SCN3B: variants seen among roughly 807,000 people sequenced by gnomAD.
The protein encoded by SCN3B is sodium channel regulatory subunit beta-3.
Under a neutral mutation model 25.4 loss-of-function variants are expected in SCN3B, and 11 were observed. The observed-to-expected ratio is 0.43, with a 90% confidence interval of 0.27 to 0.72. The LOEUF (loss-of-function observed/expected upper bound fraction) is 0.72, where lower values mean the gene tolerates loss of function less well. Ranked by LOEUF, SCN3B falls within the 30% of genes least tolerant of loss-of-function variation. The probability of loss-of-function intolerance (pLI) is 0.18; values close to 1 mark genes in which losing one functional copy is unlikely to be tolerated. For synonymous variants in SCN3B, 109 were observed against 110.7 expected, an observed-to-expected ratio of 0.99 and a Z score of 0.09; for missense variants, 218 against 278.3, an observed-to-expected ratio of 0.78 and a Z score of 1.54.
chr11:123,652,540 C>T (rs952643340), intron 2 of SCN3B, among the ~76,000 whole-genome samples: 2 of 152,170 alleles, frequency 1.3e-5, no homozygotes, highest in African/African-American at 4.8e-5. Flanking sequence ...TGTCTGCCAC[C>T]GTATAGGCAG....
At chr11:123,638,605 A>G (rs991954568) in intron 4 of SCN3B, 2 of 457,704 alleles carry the variant, frequency 4.4e-6, no homozygotes. Context: ...CTGGCTGTCC[A>G]TTTTGCTATT....
intron 4 of SCN3B, 115 bp from the exon 5 acceptor site, chr11:123,638,439 G>T: frequency 7.2e-7 from 1 of 1,389,984 alleles, no homozygotes; most frequent in Non-Finnish European, 1.0e-6. Flanking sequence ...AACTCAAGAA[G>T]ATGTCAAAGG....
At chr11:123,634,693 C>T (rs1955707631) in intron 5 of SCN3B, among the ~76,000 whole-genome samples, 4 of 152,186 alleles carry the variant, frequency 2.6e-5, no homozygotes, top group Admixed American at 2.6e-4. Context: ...GATTGCACCA[C>T]TGCACTCCAG....
chr11:123,642,301 T>C lies in SCN3B; in HGVS notation c.445+145A>G. The C allele has an allele frequency of 2.6e-6, 2 of 777,430 alleles. 1 individual carries two copies. Among genetic ancestry groups the C allele is most frequent in the South Asian group, 2.9e-5 (2 of 68,752 alleles). 48.2% of individuals were successfully genotyped at this position (777,430 alleles called of 1,614,324 possible). A position where few individuals can be genotyped will look rare whatever the true frequency, so the allele number is the denominator to read the frequency against. ...AAGCTGGCCACCAGAAGAAGATGGG[T>C]CAATGGTGACATTTTTAGATGTCAC... On this transcript the variant is annotated intron_variant, in intron 4 of 6. Transcript: ENST00000299333. This position sits in a 1 kb window ranked among gnomAD's most constrained non-coding sequence, Gnocchi z 4.3.
At chr11:123,653,447 C>G (rs1955955101) in intron 2 of SCN3B, among the ~76,000 whole-genome samples, 1 of 151,464 alleles carries the variant, frequency 6.6e-6, no homozygotes, top group African/African-American at 2.4e-5. Context: ...GTGAACGTGA[C>G]TGCATTTCCT....
chr11:123,634,276 G>T, intron 5 of SCN3B, 70 bp from the exon 6 acceptor site: 1 of 1,257,002 alleles, frequency 8.0e-7, no homozygotes, highest in South Asian at 1.2e-5. Context: ...TGGGGAAGGA[G>T]CAGGGCACAG....
At chr11:123,644,800 AATATATAT>A (rs56135097) in intron 3 of SCN3B, among the ~76,000 whole-genome samples, 563 of 45,546 alleles carry the variant, frequency 0.012, 7 homozygotes, top group Non-Finnish European at 0.019. Context: ...AGAGAGAGAG[AATATATAT>A]ATATATATAT....
At chr11:123,652,999 G>A (rs927717530) in intron 2 of SCN3B, among the ~76,000 whole-genome samples, 6 of 152,164 alleles carry the variant, frequency 3.9e-5, no homozygotes, top group African/African-American at 1.2e-4. Flanking sequence ...TGTTCCAAGT[G>A]TAAGATTCCC....
intron 2 of SCN3B, among the ~76,000 whole-genome samples, chr11:123,648,247 G>A (rs887502258): frequency 3.3e-5 from 5 of 152,232 alleles, no homozygotes; most frequent in African/African-American, 9.6e-5. Context: ...GAGGCAGGGT[G>A]AAGATAGAAT....
Position 123,654,301 on chromosome 11 carries a change from A to C in SCN3B, c.-101T>G. ...CGCGGCTCCTGCTTCGTCCGCCCTA[A>C]CTGCTTCTCCAGCTGGGCGTGACCC... On this transcript the variant is annotated 5_prime_UTR_variant, in exon 1 of 7. Transcript: ENST00000299333. 1 of 170,134 alleles carries C rather than the reference A, an allele frequency of 5.9e-6. No homozygotes were observed. The highest frequency in any genetic ancestry group is 1.3e-5 in the Non-Finnish European group (1 of 77,808). The allele number at this position is 170,134 out of a possible 1,614,324, so 10.5% of individuals were successfully genotyped here.
chr11:123,652,795 C>T (rs1955942407), intron 2 of SCN3B, among the ~76,000 whole-genome samples: 1 of 152,104 alleles, frequency 6.6e-6, no homozygotes, highest in Non-Finnish European at 1.5e-5. Context: ...TACTACTACA[C>T]TCACCCATGC....
chr11:123,647,073 A>AG (rs1955861832), intron 2 of SCN3B, among the ~76,000 whole-genome samples: 1 of 152,192 alleles, frequency 6.6e-6, no homozygotes, highest in Non-Finnish European at 1.5e-5. Context: ...GTTATAAGAA[A>AG]AAAATAAGTT....
rs1177533878 is a variant in SCN3B, at chr11:123,633,011, G to A, written c.*788C>T. On this transcript the variant is annotated 3_prime_UTR_variant, in exon 7 of 7. Coordinates refer to ENST00000299333, the MANE Select transcript of SCN3B (RefSeq NM_001040151.2). ...TCAGGAATTTCAGTCCTAATGCCCA[G>A]GTGGTGTGCCCACAGGGAGGGCACA... is the stretch of plus-strand genomic sequence containing the variant. The A allele has an allele frequency of 6.6e-6, 1 of 152,222 alleles. No homozygotes were observed. The highest frequency in any genetic ancestry group is 1.9e-4 in the East Asian group (1 of 5,188). 9.4% of individuals were successfully genotyped at this position (152,222 alleles called of 1,614,324 possible).
chr11:123,649,999 C>A (rs1955905706), intron 2 of SCN3B, among the ~76,000 whole-genome samples: 1 of 152,164 alleles, frequency 6.6e-6, no homozygotes, highest in Non-Finnish European at 1.5e-5. Context: ...CCACAGCACC[C>A]AGTCCACCAC....
chr11:123,649,602 CCTTT>C (rs1223754844), intron 2 of SCN3B, among the ~76,000 whole-genome samples: 2 of 151,928 alleles, frequency 1.3e-5, no homozygotes, highest in Non-Finnish European at 2.9e-5. Context: ...CTTTCTTTCT[CCTTT>C]CTTTTTCTTT....
chr11:123,646,499 T>C (rs886815897), intron 2 of SCN3B, among the ~76,000 whole-genome samples: 1 of 152,090 alleles, frequency 6.6e-6, no homozygotes, highest in Non-Finnish European at 1.5e-5. Context: ...TGACACATGG[T>C]GGAGGTTGGA....
At chr11:123,644,528 T>C (rs1014054192) in intron 3 of SCN3B, among the ~76,000 whole-genome samples, 11 of 151,952 alleles carry the variant, frequency 7.2e-5, no homozygotes, top group Non-Finnish European at 1.5e-4. Context: ...TCCCAGCACT[T>C]TGGGAGGCCG....
chr11:123,642,173 GC>G lies in SCN3B; in HGVS notation c.445+272del, dbSNP rs1955799841. 6.6e-6 allele frequency among the ~76,000 whole-genome samples: 1 copy of G among 152,194 alleles called. No individual in the cohort carries two copies. The highest frequency in any genetic ancestry group is 2.4e-5 in the African/African-American group (1 of 41,446). On this transcript the variant is annotated intron_variant, in intron 4 of 6. Transcript: ENST00000299333. The surrounding 1 kb of genome is among the most constrained non-coding windows in gnomAD (Gnocchi z 4.3). Reference sequence around the variant, plus strand: ...GTAGCTTTAGGCCTCATGGAGGCTAGCCTCTTTCTCTAAGGGACCAGGAAGA... The same window carrying G: ...GTAGCTTTAGGCCTCATGGAGGCTAGCTCTTTCTCTAAGGGACCAGGAAGA...
intron 2 of SCN3B, 141 bp downstream of exon 2, chr11:123,653,606 C>T (rs1419086038): frequency 4.2e-6 from 4 of 943,412 alleles, no homozygotes; most frequent in Non-Finnish European, 6.9e-6. Flanking sequence ...TCATGGAACC[C>T]CTGCCATCTC....
Sources: gnomAD v4.1 joint callset for allele counts (sites outside exome capture counted in the v4.1 genomes callset) on GRCh38, gnomAD v4.1.1 for gene constraint, Gnocchi (gnomAD v3.1) non-coding constraint, MANE v1.5 for transcripts, NCBI Gene and HGNC (gene_info 2026-07-23, HGNC 2026-07-21) for gene names.